Variants in DMD observed in about 807,000 individuals in gnomAD.
DMD encodes the protein mutant dystrophin.
A neutral mutation model predicts 330.1 loss-of-function variants in DMD; 63 were observed. The observed-to-expected ratio is 0.19, with a 90% CI of 0.16 to 0.24. DMD has a LOEUF of 0.24. DMD is among the 10% of genes least tolerant of loss of function. DMD has a pLI of 1.00. For synonymous variants in DMD, 1,223 were observed against 959.8 expected, an observed-to-expected ratio of 1.27 and a Z score of -5.07; for missense variants, 3,344 against 2,684.1, an observed-to-expected ratio of 1.25 and a Z score of -5.43.
At chrX:32,485,760 T>G (rs1487098420) in intron 20 of DMD, among the ~76,000 whole-genome samples, 3 of 83,598 alleles carry the variant, frequency 3.6e-5, no homozygotes, top group African/African-American at 5.5e-5. Context: ...TTTTTTTTTT[T>G]GGGACAGAGT....
At chrX:32,605,286 A>C (rs930506866) in intron 12 of DMD, among the ~76,000 whole-genome samples, 2 of 110,767 alleles carry the variant, frequency 1.8e-5, no homozygotes, top group Non-Finnish European at 3.8e-5. Context: ...AAGTAAAAAA[A>C]TGTATATATA....
intron 2 of DMD, among the ~76,000 whole-genome samples, chrX:32,896,280 G>T (rs975631867): frequency 9.0e-6 from 1 of 111,437 alleles, no homozygotes; most frequent in Admixed American, 9.5e-5. Flanking sequence ...ATAGGAGGCA[G>T]GTTTTACTTT....
chrX:33,216,926 T>C (rs763160604), intron 1 of DMD, among the ~76,000 whole-genome samples: 6 of 111,788 alleles, frequency 5.4e-5, no homozygotes, highest in African/African-American at 1.9e-4. Context: ...GGCATTATTT[T>C]ATATTACTTT....
chrX:31,435,665 G>A (rs1201096967), intron 60 of DMD: 1 of 111,820 alleles, frequency 8.9e-6, no homozygotes, highest in Non-Finnish European at 1.9e-5. Context: ...CTACTTTCTA[G>A]AGGAATGTGC....
intron 44 of DMD, among the ~76,000 whole-genome samples, chrX:32,145,598 G>T (rs1427650224): frequency 8.9e-6 from 1 of 112,083 alleles, no homozygotes; most frequent in Non-Finnish European, 1.9e-5. Flanking sequence ...TGATTTTTGA[G>T]ACAACAGTGA....
chrX:31,842,155 G>T (rs1435528872), intron 48 of DMD, among the ~76,000 whole-genome samples: 2 of 111,562 alleles, frequency 1.8e-5, no homozygotes, highest in Non-Finnish European at 3.8e-5. Flanking sequence ...GAATGCCTAT[G>T]AGGGTCCAAG....
intron 50 of DMD, among the ~76,000 whole-genome samples, chrX:31,785,281 T>C (rs1432048279): frequency 8.9e-6 from 1 of 111,750 alleles, no homozygotes; most frequent in Non-Finnish European, 1.9e-5. Flanking sequence ...TTGCCAGTGC[T>C]GGGGTACAGG....
intron 15 of DMD, among the ~76,000 whole-genome samples, chrX:32,567,860 AT>A (rs200845285): frequency 2.7e-5 from 3 of 111,564 alleles, no homozygotes; most frequent in African/African-American, 6.5e-5. Flanking sequence ...TTATAGTGTC[AT>A]TTTTTTTCTT....
At chrX:32,923,438 G>A (rs1487655417) in intron 2 of DMD, among the ~76,000 whole-genome samples, 1 of 109,666 alleles carries the variant, frequency 9.1e-6, no homozygotes, top group African/African-American at 3.3e-5. Flanking sequence ...GCACACCCCT[G>A]TAATCCCAGC....
chrX:32,850,633 T>A (rs1359377945), intron 2 of DMD, among the ~76,000 whole-genome samples: 1 of 111,622 alleles, frequency 9.0e-6, no homozygotes, highest in Non-Finnish European at 1.9e-5. Context: ...ATCTGTCTAA[T>A]TCTGGGTTCT....
intron 6 of DMD, among the ~76,000 whole-genome samples, chrX:32,813,562 A>G (rs187832846): frequency 1.1e-3 from 122 of 112,049 alleles, no homozygotes; most frequent in African/African-American, 3.9e-3. Flanking sequence ...CAAAATAATA[A>G]TTGTTTAAAA....
chrX:32,765,500 AG>A (rs1490234401), intron 7 of DMD, among the ~76,000 whole-genome samples: 1 of 111,429 alleles, frequency 9.0e-6, no homozygotes, highest in Non-Finnish European at 1.9e-5. Context: ...CAGAAATGTG[AG>A]CCAATTAAAC....
intron 62 of DMD, among the ~76,000 whole-genome samples, chrX:31,309,866 A>C (rs1256362309): frequency 2.7e-5 from 3 of 112,006 alleles, no homozygotes; most frequent in African/African-American, 9.7e-5. Context: ...AAATAGAAAA[A>C]CGTTCATGTA....
chrX:31,603,691 A>G (rs1477810891), intron 55 of DMD, among the ~76,000 whole-genome samples: 1 of 112,297 alleles, frequency 8.9e-6, no homozygotes, highest in Non-Finnish European at 1.9e-5. Flanking sequence ...TTGCTCAGAA[A>G]GGATTTAAGT....
chrX:32,508,210 A>C, intron 18 of DMD, among the ~76,000 whole-genome samples: 1 of 111,359 alleles, frequency 9.0e-6, no homozygotes. Flanking sequence ...AAAGAGACAC[A>C]TAGACCCCAG....
chrX:32,339,575 A>C (rs986465065), intron 41 of DMD, among the ~76,000 whole-genome samples: 1 of 111,452 alleles, frequency 9.0e-6, no homozygotes, highest in Non-Finnish European at 1.9e-5. Context: ...TTGTTCCCTC[A>C]AAGTCTCAGT....
intron 12 of DMD, among the ~76,000 whole-genome samples, chrX:32,600,462 A>G (rs1220735228): frequency 2.8e-5 from 3 of 108,663 alleles, no homozygotes; most frequent in African/African-American, 1.0e-4. Context: ...AGACTCAGCT[A>G]TGGAAAGAAC....
At chrX:31,654,758 G>T (rs1482822453) in intron 54 of DMD, among the ~76,000 whole-genome samples, 1 of 110,728 alleles carries the variant, frequency 9.0e-6, no homozygotes, top group Non-Finnish European at 1.9e-5. Context: ...GGGACTATTA[G>T]AGTGTGGAGG....
Position 33,211,325 on chromosome X carries a change from A to G in DMD, c.-13T>C, listed in dbSNP as rs754599092. ...CCCACCAAAGCATTTTGAAAAGTGT[A>G]TATCAAGGCAGCGATAAAAAAAACC... On this transcript the variant is annotated 5_prime_UTR_variant, in exon 1 of 79. Coordinates refer to ENST00000357033, the MANE Select transcript of DMD (RefSeq NM_004006.3). The G allele has an allele frequency of 9.7e-5, 117 of 1,206,641 alleles. No homozygotes were observed. Among genetic ancestry groups the G allele is most frequent in the Non-Finnish European group, 1.1e-4 (98 of 893,322 alleles).
Sources: allele counts gnomAD v4.1 joint callset (sites outside exome capture counted in the v4.1 genomes callset), GRCh38; gene constraint gnomAD v4.1.1; transcripts MANE v1.5; gene names NCBI Gene and HGNC (gene_info 2026-07-23, HGNC 2026-07-21).